The following B3GALT1 variants were observed in gnomAD, a reference collection of about 807,000 sequenced individuals.
B3GALT1 encodes the protein UDP-Gal:betaGlcNAc beta 1,3-galactosyltransferase, polypeptide 1.
A neutral mutation model predicts 23.2 loss-of-function variants in B3GALT1; 10 were observed. That is an observed-to-expected ratio of 0.43 (90% CI 0.27 to 0.73). B3GALT1 has a LOEUF of 0.73. B3GALT1 is among the 30% of genes least tolerant of loss of function. B3GALT1 has a pLI of 0.21. For missense variants in B3GALT1, 299 were observed against 405.4 expected (o/e 0.74, Z 2.25); for synonymous variants, 156 against 141.5 (o/e 1.10, Z -0.73).
intron 1 of B3GALT1, among the ~76,000 whole-genome samples, chr2:167,464,932 CTAGTT>C (rs1699321843): frequency 6.6e-6 from 1 of 152,064 alleles, no homozygotes; most frequent in Admixed American, 6.6e-5. Context: ...AAATAAGATG[CTAGTT>C]TAAAGTATCC....
chr2:167,352,617 A>T (rs1467075812), intron 1 of B3GALT1, among the ~76,000 whole-genome samples: 1 of 151,036 alleles, frequency 6.6e-6, no homozygotes, highest in Non-Finnish European at 1.5e-5. Flanking sequence ...GCTACTCGGG[A>T]GGCTGAGGCA....
At chr2:167,644,801 AAAAG>A (rs1261739344) in intron 2 of B3GALT1, among the ~76,000 whole-genome samples, 2 of 145,314 alleles carry the variant, frequency 1.4e-5, no homozygotes, top group African/African-American at 2.5e-5. Flanking sequence ...AAAAAAAAAA[AAAAG>A]AATTTACTGG....
intron 2 of B3GALT1, among the ~76,000 whole-genome samples, chr2:167,614,157 G>T (rs114016115): frequency 6.6e-6 from 1 of 151,388 alleles, no homozygotes; most frequent in East Asian, 1.9e-4. Flanking sequence ...TAAGGAAAAC[G>T]TAAGTAAATG....
chr2:167,556,904 T>C (rs569139412), intron 2 of B3GALT1, among the ~76,000 whole-genome samples: 16 of 152,338 alleles, frequency 1.1e-4, no homozygotes, highest in African/African-American at 2.9e-4. Context: ...AGGTAGGTAA[T>C]GTTATGTCTG....
chr2:167,496,223 T>C (rs1699781151), intron 2 of B3GALT1, among the ~76,000 whole-genome samples: 1 of 152,168 alleles, frequency 6.6e-6, no homozygotes, highest in Non-Finnish European at 1.5e-5. Context: ...CCAGCTTGGC[T>C]AAAGTTGACT....
At chr2:167,333,835 C>T (rs1697014319) in intron 1 of B3GALT1, among the ~76,000 whole-genome samples, 1 of 152,060 alleles carries the variant, frequency 6.6e-6, no homozygotes, top group Non-Finnish European at 1.5e-5. Flanking sequence ...AGAATGGAAG[C>T]ACAAGGACAG....
At chr2:167,502,315 G>C (rs143479246) in intron 2 of B3GALT1, among the ~76,000 whole-genome samples, 7 of 152,124 alleles carry the variant, frequency 4.6e-5, no homozygotes, top group African/African-American at 1.7e-4. Context: ...GAAAGTAAGG[G>C]GAATATCCAA....
At chr2:167,340,274 C>G (rs2105247057) in intron 1 of B3GALT1, among the ~76,000 whole-genome samples, 1 of 143,194 alleles carries the variant, frequency 7.0e-6, no homozygotes, top group Non-Finnish European at 1.5e-5. Context: ...ATAAACCAGG[C>G]TTGCACCTTG....
intron 2 of B3GALT1, among the ~76,000 whole-genome samples, chr2:167,531,624 C>T (rs1683327862): frequency 6.6e-6 from 1 of 152,126 alleles, no homozygotes; most frequent in South Asian, 2.1e-4. Flanking sequence ...AAGTAAAACA[C>T]TGTGATGCCA....
chr2:167,852,678 G>T (rs1012192620), intron 4 of B3GALT1, among the ~76,000 whole-genome samples: 1 of 152,144 alleles, frequency 6.6e-6, no homozygotes, highest in African/African-American at 2.4e-5. Context: ...CATGGGGAAA[G>T]ATACTGTATA....
At chr2:167,328,488 A>G (rs1248254674) in intron 1 of B3GALT1, among the ~76,000 whole-genome samples, 2 of 152,164 alleles carry the variant, frequency 1.3e-5, no homozygotes, top group South Asian at 2.1e-4. Flanking sequence ...TAGGTTGTCC[A>G]GTTCATTCAC....
intron 1 of B3GALT1, among the ~76,000 whole-genome samples, chr2:167,419,619 G>T (rs1476100312): frequency 1.3e-5 from 2 of 152,168 alleles, no homozygotes; most frequent in African/African-American, 4.8e-5. Context: ...AGGACAGAAA[G>T]CCTTTATTTG....
chr2:167,693,142 C>T (rs1001887384), intron 3 of B3GALT1, among the ~76,000 whole-genome samples: 5 of 151,828 alleles, frequency 3.3e-5, no homozygotes, highest in Non-Finnish European at 7.4e-5. Context: ...CAAGAGTGCC[C>T]AAGGTCCCGG....
intron 2 of B3GALT1, among the ~76,000 whole-genome samples, chr2:167,563,910 C>T (rs1245403533): frequency 2.7e-5 from 3 of 109,698 alleles, no homozygotes; most frequent in Non-Finnish European, 3.6e-5. Context: ...CGGGGCCGAT[C>T]CCCCCACCTC....
intron 3 of B3GALT1, among the ~76,000 whole-genome samples, chr2:167,762,246 G>A (rs1687908164): frequency 6.6e-6 from 1 of 152,076 alleles, no homozygotes; most frequent in South Asian, 2.1e-4. Flanking sequence ...GTTTAATTGA[G>A]ATGAAAATAA....
rs397870339 is a variant in B3GALT1, at chr2:167,871,891, C to CTTTTTTTTT, written c.*1891_*1899dup. Reference sequence around the variant, plus strand: ...AGAGTGTACCTTTTTTATTTATTTACTTTTTTTTTTTTTTTTTTTTTTTTT... The same window carrying CTTTTTTTTT: ...AGAGTGTACCTTTTTTATTTATTTACTTTTTTTTTTTTTTTTTTTTTTTTTTTTTTTTTT... On this transcript the variant is annotated 3_prime_UTR_variant, in exon 5 of 5. Coordinates refer to ENST00000392690, the MANE Select transcript of B3GALT1 (RefSeq NM_020981.4). 3.2e-5 allele frequency: 2 copies of CTTTTTTTTT among 62,450 alleles called. No homozygotes were observed. Among genetic ancestry groups the CTTTTTTTTT allele is most frequent in the Non-Finnish European group, 6.1e-5 (2 of 32,560 alleles). The allele number at this position is 62,450 out of a possible 1,614,324, so 3.9% of individuals were successfully genotyped here.
At chr2:167,566,591 C>T (rs80056959) in intron 2 of B3GALT1, among the ~76,000 whole-genome samples, 1 of 151,816 alleles carries the variant, frequency 6.6e-6, no homozygotes, top group Non-Finnish European at 1.5e-5. Flanking sequence ...CGTAGTCCAG[C>T]CTCCTTATTT....
chr2:167,460,343 G>T (rs1483474792), intron 1 of B3GALT1, among the ~76,000 whole-genome samples: 3 of 151,882 alleles, frequency 2.0e-5, no homozygotes, highest in African/African-American at 7.3e-5. Flanking sequence ...CCTTTGTTCT[G>T]TTGTCAAGTT....
chr2:167,318,074 T>C (rs1696746609), intron 1 of B3GALT1, among the ~76,000 whole-genome samples: 1 of 152,062 alleles, frequency 6.6e-6, no homozygotes, highest in African/African-American at 2.4e-5. Context: ...ACGCCTGTAA[T>C]CCCAGTGCTT....
Sources: gnomAD v4.1 joint callset for allele counts (sites outside exome capture counted in the v4.1 genomes callset) on GRCh38, gnomAD v4.1.1 for gene constraint, MANE v1.5 for transcripts, NCBI Gene and HGNC (gene_info 2026-07-23, HGNC 2026-07-21) for gene names.